The following CRPPA variants were observed in gnomAD, a reference collection of about 807,000 sequenced individuals.
CRPPA encodes the protein D-ribitol-5-phosphate cytidylyltransferase.
In CRPPA, 43 loss-of-function variants were observed where a neutral mutation model predicts 52.0. The ratio of observed to expected loss-of-function variants is 0.83; its 90% CI spans 0.65 to 1.07. CRPPA has a LOEUF of 1.07. CRPPA is among the 50% of genes least tolerant of loss of function. The pLI is 0.00. For synonymous variants in CRPPA, 250 were observed against 203.5 expected (o/e 1.23, Z -1.94); for missense variants, 629 against 551.7 (o/e 1.14, Z -1.40).
At chr7:16,334,657 G>C (rs1785635055) in intron 3 of CRPPA, among the ~76,000 whole-genome samples, 1 of 152,072 alleles carries the variant, frequency 6.6e-6, no homozygotes, top group Admixed American at 6.6e-5. Flanking sequence ...GCAGAACTCA[G>C]GTGACAGCCT....
Position 16,123,991 on chromosome 7 carries a change from T to C in CRPPA, c.1252-32192A>G, listed in dbSNP as rs151029105. ...GGTTGATTTCCTATCTTGGCTATTG[T>C]GAATAGAGCTGCAATAAACATGGAA... On this transcript the variant is annotated intron_variant, in intron 9 of 9. Transcript: ENST00000407010. 1.2e-3 allele frequency among the ~76,000 whole-genome samples: 189 copies of C among 152,306 alleles called. 1 individual carries two copies. The highest frequency in any genetic ancestry group is 4.4e-3 in the African/African-American group (181 of 41,566).
intron 3 of CRPPA, among the ~76,000 whole-genome samples, chr7:16,320,805 T>C (rs552830084): frequency 2.0e-4 from 31 of 152,238 alleles, no homozygotes; most frequent in Middle Eastern, 3.4e-3. Context: ...GCAATGTATT[T>C]TGGGATTTCA....
At chr7:16,118,063 T>A (rs1395907340) in intron 9 of CRPPA, among the ~76,000 whole-genome samples, 2 of 152,206 alleles carry the variant, frequency 1.3e-5, no homozygotes, top group Non-Finnish European at 2.9e-5. Flanking sequence ...CTTTCCTCAA[T>A]AAATCTTCAT....
At chr7:16,284,460 A>G (rs1173106436) in intron 5 of CRPPA, among the ~76,000 whole-genome samples, 1 of 152,138 alleles carries the variant, frequency 6.6e-6, no homozygotes, top group Non-Finnish European at 1.5e-5. Flanking sequence ...CATACATTCA[A>G]TAAGAACATA....
chr7:16,260,777 A>T lies in CRPPA; in HGVS notation c.934-1765T>A, dbSNP rs192892443. On this transcript the variant is annotated intron_variant, in intron 6 of 9. Coordinates refer to ENST00000407010, the MANE Select transcript of CRPPA (RefSeq NM_001101426.4). Reference sequence around the variant, plus strand: ...CCTTCTGCATGTAGAGAATGAAAACATGAGAGATATTCTGATTCAGTTTTT... The same window carrying T: ...CCTTCTGCATGTAGAGAATGAAAACTTGAGAGATATTCTGATTCAGTTTTT... 5.5e-4 allele frequency among the ~76,000 whole-genome samples: 84 copies of T among 152,202 alleles called. 1 individual carries two copies. Among genetic ancestry groups the T allele is most frequent in the African/African-American group, 2.0e-3 (82 of 41,572 alleles).
At chr7:16,309,999 T>A (rs529842390) in intron 3 of CRPPA, among the ~76,000 whole-genome samples, 1 of 152,064 alleles carries the variant, frequency 6.6e-6, no homozygotes, top group Non-Finnish European at 1.5e-5. Flanking sequence ...TCATAAAACA[T>A]AGTATATTAA....
chr7:16,292,550 C>CA (rs761040913), intron 5 of CRPPA, among the ~76,000 whole-genome samples: 4 of 151,944 alleles, frequency 2.6e-5, no homozygotes, highest in Non-Finnish European at 5.9e-5. Context: ...TTCTGAATGT[C>CA]AGAGTTTTGA....
At chr7:16,262,545 A>T (rs1373572461) in intron 6 of CRPPA, among the ~76,000 whole-genome samples, 1 of 152,204 alleles carries the variant, frequency 6.6e-6, no homozygotes, top group Non-Finnish European at 1.5e-5. Flanking sequence ...GGTTTTATCC[A>T]GGTTTACTTC....
At chr7:16,194,162 C>T (rs1375260015) in intron 9 of CRPPA, among the ~76,000 whole-genome samples, 1 of 152,042 alleles carries the variant, frequency 6.6e-6, no homozygotes, top group Non-Finnish European at 1.5e-5. Context: ...TCTGCTAGTC[C>T]CGGAGGAAAC....
chr7:16,335,602 G>A (rs1175907886), intron 3 of CRPPA, among the ~76,000 whole-genome samples: 1 of 152,092 alleles, frequency 6.6e-6, no homozygotes, highest in East Asian at 1.9e-4. Flanking sequence ...ACAACAAAGA[G>A]AGAAAAGAAT....
At chr7:16,228,998 T>A (rs1782722387) in intron 8 of CRPPA, among the ~76,000 whole-genome samples, 1 of 152,050 alleles carries the variant, frequency 6.6e-6, no homozygotes, top group Non-Finnish European at 1.5e-5. Flanking sequence ...GTTGCATATA[T>A]CACAACTGTC....
chr7:16,382,467 A>G (rs1157823679), intron 2 of CRPPA, among the ~76,000 whole-genome samples: 8 of 152,164 alleles, frequency 5.3e-5, no homozygotes, highest in African/African-American at 1.9e-4. Flanking sequence ...ACAATTATGT[A>G]TCTTGGAGTT....
intron 8 of CRPPA, among the ~76,000 whole-genome samples, chr7:16,241,661 G>A (rs539660322): frequency 6.6e-6 from 1 of 152,140 alleles, no homozygotes; most frequent in South Asian, 2.1e-4. Flanking sequence ...ACAAAATATT[G>A]CCCACTATTT....
Position 16,090,224 on chromosome 7 carries a change from T to A in CRPPA, c.*1471A>T, listed in dbSNP as rs746641638. 4 of 152,164 alleles carry A rather than the reference T, an allele frequency of 2.6e-5. No individual in the cohort carries two copies. Among genetic ancestry groups the A allele is most frequent in the African/African-American group, 4.8e-5 (2 of 41,442 alleles). The allele number at this position is 152,164 out of a possible 1,614,324, so 9.4% of individuals were successfully genotyped here. A position where few individuals can be genotyped will look rare whatever the true frequency, so the allele number is the denominator to read the frequency against. Reference sequence around the variant, plus strand: ...CTACATTCAAATAACACATTTCAATTAGGAGAATGTAAAATATAAACTCTC... The same window carrying A: ...CTACATTCAAATAACACATTTCAATAAGGAGAATGTAAAATATAAACTCTC... On this transcript the variant is annotated 3_prime_UTR_variant, in exon 10 of 10. Transcript: ENST00000407010.
chr7:16,249,978 C>A (rs1783398655), intron 8 of CRPPA, among the ~76,000 whole-genome samples: 1 of 152,058 alleles, frequency 6.6e-6, no homozygotes, highest in African/African-American at 2.4e-5. Context: ...AAGCTAAGAA[C>A]CTTTAAAAAA....
intron 5 of CRPPA, among the ~76,000 whole-genome samples, chr7:16,283,087 T>C (rs1463353386): frequency 6.6e-6 from 1 of 152,010 alleles, no homozygotes; most frequent in South Asian, 2.1e-4. Flanking sequence ...TTCTGATGTA[T>C]AGCCAGATTA....
Position 16,216,072 on chromosome 7 carries a change from G to T in CRPPA, c.1245C>A (p.Tyr415Ter). Reference sequence around the variant, plus strand: ...AGATAAACATTTTACCTACCTGTGGGTAAGATATGAGAAGCCCATATAACA... The same window carrying T: ...AGATAAACATTTTACCTACCTGTGGTTAAGATATGAGAAGCCCATATAACA... ...NILLYGLLIS[Y>*]PQDDQKLQES... is the part of the protein sequence containing the mutation. Residue 415 changes from tyrosine (Y) to a stop codon, truncating the protein, a stop_gained, in exon 9 of 10, where the codon TAC (tyrosine) becomes TAA (stop). Coordinates refer to ENST00000407010, the MANE Select transcript of CRPPA (RefSeq NM_001101426.4). LOFTEE classifies it high-confidence loss of function. 1 of 1,583,964 alleles carries T rather than the reference G, an allele frequency of 6.3e-7. No homozygotes were observed. The highest frequency in any genetic ancestry group is 8.6e-7 in the Non-Finnish European group (1 of 1,166,708).
chr7:16,132,065 G>C (rs1782691361), intron 9 of CRPPA, among the ~76,000 whole-genome samples: 1 of 152,184 alleles, frequency 6.6e-6, no homozygotes, highest in African/African-American at 2.4e-5. Context: ...AATACCGAGA[G>C]CCTTGGGGAA....
intron 9 of CRPPA, among the ~76,000 whole-genome samples, chr7:16,149,796 G>A (rs972161649): frequency 2.0e-5 from 3 of 152,022 alleles, no homozygotes; most frequent in African/African-American, 7.2e-5. Flanking sequence ...GACCAGCCTG[G>A]GCAACACGGT....
Sources: allele counts gnomAD v4.1 joint callset (sites outside exome capture counted in the v4.1 genomes callset), GRCh38; gene constraint gnomAD v4.1.1; transcripts MANE v1.5; gene names NCBI Gene and HGNC (gene_info 2026-07-23, HGNC 2026-07-21).